SLC25A37: variants seen among roughly 807,000 people sequenced by gnomAD.
SLC25A37 encodes the protein mitoferrin-1.
Under a neutral mutation model 31.0 loss-of-function variants are expected in SLC25A37, and 17 were observed. The observed-to-expected ratio is 0.55, with a 90% CI of 0.38 to 0.82. The LOEUF (loss-of-function observed/expected upper bound fraction) is 0.82, where lower values mean the gene tolerates loss of function less well. Among genes scored for constraint, SLC25A37 ranks in the 40% least tolerant of loss-of-function variants. The probability of loss-of-function intolerance (pLI) is 0.00; values close to 1 mark genes in which losing one functional copy is unlikely to be tolerated. For synonymous variants in SLC25A37, 222 were observed against 193.0 expected (o/e 1.15, Z -1.24); for missense variants, 404 against 465.8 (o/e 0.87, Z 1.22).
chr8:23,554,650 A>T (rs1489527036), intron 1 of SLC25A37, among the ~76,000 whole-genome samples: 1 of 152,158 alleles, frequency 6.6e-6, no homozygotes, highest in African/African-American at 2.4e-5. Context: ...TGGAGACCAG[A>T]TTGGGTTCCT....
intron 1 of SLC25A37, among the ~76,000 whole-genome samples, chr8:23,563,577 C>T (rs1257925794): frequency 1.3e-5 from 2 of 152,154 alleles, no homozygotes; most frequent in African/African-American, 2.4e-5. Context: ...GCAGGGCTAC[C>T]CTCCCTGGGA....
Position 23,538,374 on chromosome 8 carries a change from T to C in SLC25A37, c.210+9162T>C, listed in dbSNP as rs1236886832. ...CCAGCCCGGACAACAGAGCGAGACTTCATCTCAAAAAAAAAAAAAAAAAAA... is the reference window on the plus strand; with the variant it reads ...CCAGCCCGGACAACAGAGCGAGACTCCATCTCAAAAAAAAAAAAAAAAAAA... On this transcript the variant is annotated intron_variant, in intron 1 of 3. Transcript: ENST00000519973. Among the ~76,000 whole-genome samples, 7 of 100,492 alleles carry C rather than the reference T, an allele frequency of 7.0e-5. 1 individual carries two copies. Among genetic ancestry groups the C allele is most frequent in the East Asian group, 6.1e-4 (2 of 3,276 alleles). 65.9% of individuals were successfully genotyped at this position (100,492 alleles called of 152,430 possible). A position where few individuals can be genotyped will look rare whatever the true frequency, so the allele number is the denominator to read the frequency against.
Position 23,566,135 on chromosome 8 carries a change from C to T in SLC25A37, c.238C>T (p.Pro80Ser), listed in dbSNP as rs868741567. The T allele has an allele frequency of 1.3e-6, 2 of 1,596,384 alleles. No individual in the cohort carries two copies. The highest frequency in any genetic ancestry group is 1.4e-5 in the African/African-American group (1 of 73,962). The change falls in exon 2 of 4, where the codon CCC becomes TCC. Residue 80 changes from proline to serine, a missense_variant. Physicochemically the swap from Pro to Ser is moderately conservative, Grantham distance 74 (BLOSUM62 -1). Transcript: ENST00000519973. The part of the protein sequence containing the change: ...KTRMQSLSPD[P>S]KAQYTSIYGA... ...ACGAATGCAGAGTTTGAGTCCAGATCCCAAAGCCCAGTACACAAGTATCTA... is the reference window on the plus strand; with the variant it reads ...ACGAATGCAGAGTTTGAGTCCAGATTCCAAAGCCCAGTACACAAGTATCTA...
intron 1 of SLC25A37, among the ~76,000 whole-genome samples, chr8:23,549,544 C>G (rs1189518974): frequency 6.6e-6 from 1 of 152,202 alleles, no homozygotes; most frequent in African/African-American, 2.4e-5. Flanking sequence ...GTTGTTTCCT[C>G]TGGTGTTTCT....
intron 1 of SLC25A37, among the ~76,000 whole-genome samples, chr8:23,554,358 G>A (rs144126950): frequency 7.7e-4 from 118 of 152,292 alleles, no homozygotes; most frequent in Non-Finnish European, 1.3e-3. Context: ...ACCAGGGCAG[G>A]GCAGGACAGG....
chr8:23,543,330 G>T (rs1263796409), intron 1 of SLC25A37: 1 of 152,182 alleles, frequency 6.6e-6, no homozygotes, highest in Non-Finnish European at 1.5e-5. Flanking sequence ...CTCCCAAAGT[G>T]CTAGGATTAC....
At chr8:23,535,919 C>T (rs1266536295) in intron 1 of SLC25A37, among the ~76,000 whole-genome samples, 3 of 152,088 alleles carry the variant, frequency 2.0e-5, no homozygotes, top group Admixed American at 1.3e-4. Flanking sequence ...TCCCATAACA[C>T]GTGGGAATTA....
chr8:23,546,528 G>GGTGTATATATATATATATATATATATA (rs1802047531), intron 1 of SLC25A37, among the ~76,000 whole-genome samples: 2 of 78,532 alleles, frequency 2.5e-5, no homozygotes, highest in Non-Finnish European at 2.4e-5. Flanking sequence ...TATATATATA[G>GGTGTATATATATATATATATATATATA]GTGTATATAT....
Position 23,531,332 on chromosome 8 carries a change from G to C in SLC25A37, c.210+2120G>C, listed in dbSNP as rs1585438597. 2.0e-5 allele frequency among the ~76,000 whole-genome samples: 3 copies of C among 152,342 alleles called. No homozygotes were observed. The South Asian group carries it at 6.2e-4, about 32-fold the overall frequency. ...TATTTTGGATGATGGCGAAGACCGG[G>C]AGTAACTGAGTCAAGAAACCCGGGT... On this transcript the variant is annotated intron_variant, in intron 1 of 3. Coordinates refer to ENST00000519973, the MANE Select transcript of SLC25A37 (RefSeq NM_016612.4).
intron 1 of SLC25A37, among the ~76,000 whole-genome samples, chr8:23,547,408 A>G (rs1290968735): frequency 6.6e-6 from 1 of 152,190 alleles, no homozygotes; most frequent in Non-Finnish European, 1.5e-5. Flanking sequence ...GCTTGAGATG[A>G]CCAGGGGCCC....
chr8:23,536,962 G>A (rs567105854), intron 1 of SLC25A37, among the ~76,000 whole-genome samples: 47 of 152,318 alleles, frequency 3.1e-4, no homozygotes, highest in African/African-American at 1.0e-3. Context: ...TTGAGAGGCC[G>A]AGGTGGGAGG....
At chr8:23,568,946 A>AG (rs1325826850) in intron 3 of SLC25A37, 1,580 of 89,248 alleles carry the variant, frequency 0.018, 27 homozygotes, top group African/African-American at 0.059. Flanking sequence ...CCATCTCAAA[A>AG]GGAAAAAAAA....
chr8:23,553,205 G>A (rs1471924077), intron 1 of SLC25A37, among the ~76,000 whole-genome samples: 1 of 152,164 alleles, frequency 6.6e-6, no homozygotes, highest in African/African-American at 2.4e-5. Flanking sequence ...TGGATCACCT[G>A]AGGTCAGGAG....
At chr8:23,546,529 GTGTATATATATATA>G (rs1802048654) in intron 1 of SLC25A37, among the ~76,000 whole-genome samples, 1 of 64,244 alleles carries the variant, frequency 1.6e-5, no homozygotes, top group East Asian at 5.1e-4. Flanking sequence ...ATATATATAG[GTGTATATATATATA>G]TATATATATA....
In SLC25A37 at chr8:23,571,919, T is replaced by C; in HGVS notation, c.*64T>C. The C allele has an allele frequency of 6.5e-7, 1 of 1,529,526 alleles. No homozygotes were observed. Among genetic ancestry groups the C allele is most frequent in the Non-Finnish European group, 8.8e-7 (1 of 1,131,932 alleles). The allele number at this position is 1,529,526 out of a possible 1,614,324, so 94.7% of individuals were successfully genotyped here. ...TGCCTGCATCCAGCCCCTTGCCCTC[T>C]CCTCACACGTAGATCATTTTTTTTT... On this transcript the variant is annotated 3_prime_UTR_variant, in exon 4 of 4. Transcript: ENST00000519973.
chr8:23,538,090 C>G (rs1429687911), intron 1 of SLC25A37, among the ~76,000 whole-genome samples: 1 of 151,604 alleles, frequency 6.6e-6, no homozygotes, highest in Non-Finnish European at 1.5e-5. Context: ...AGCTTTAAAA[C>G]TTGCTATTGG....
intron 1 of SLC25A37, among the ~76,000 whole-genome samples, chr8:23,564,635 A>G (rs1802603167): frequency 6.6e-6 from 1 of 150,956 alleles, no homozygotes; most frequent in South Asian, 2.1e-4. Context: ...TCTTGCCTAT[A>G]TACTAGTCAG....
rs143207107 is a variant in SLC25A37 at position 23,548,510 on chromosome 8, C to T, written c.211-17598C>T. Among the ~76,000 whole-genome samples, 228 of 150,190 alleles carry T rather than the reference C, an allele frequency of 1.5e-3. 1 individual carries two copies. Among genetic ancestry groups the T allele is most frequent in the African/African-American group, 5.3e-3 (217 of 40,688 alleles). On this transcript the variant is annotated intron_variant, in intron 1 of 3. Transcript: ENST00000519973. ...TTTTTTTTTTTTAGACTTGTTGCCC[C>T]CCCAGGATGGAGTGCAGTGGCGCAA... is the stretch of plus-strand genomic sequence containing the variant.
At position 23,570,225 on chromosome 8, in the gene SLC25A37, T is replaced by C. The variant is rs1802784624; in HGVS notation, c.497-1110T>C. On this transcript the variant is annotated intron_variant, in intron 3 of 3. Coordinates refer to ENST00000519973, the MANE Select transcript of SLC25A37 (RefSeq NM_016612.4). ...AAGGGACACACACCTTTCCCCCTTTTTATTTACAAAGTAGAGAGCTGAGAA... is the reference window on the plus strand; with the variant it reads ...AAGGGACACACACCTTTCCCCCTTTCTATTTACAAAGTAGAGAGCTGAGAA... 2.0e-5 allele frequency among the ~76,000 whole-genome samples: 3 copies of C among 152,304 alleles called. No individual in the cohort carries two copies. The South Asian group carries it at 6.2e-4, about 32-fold the overall frequency.
Sources: gnomAD v4.1 joint callset for allele counts (sites outside exome capture counted in the v4.1 genomes callset) on GRCh38, gnomAD v4.1.1 for gene constraint, MANE v1.5 for transcripts, NCBI Gene and HGNC (gene_info 2026-07-23, HGNC 2026-07-21) for gene names.